Variants in FLOT2 observed in about 807,000 individuals in gnomAD.
FLOT2 encodes flotillin-2.
Under a neutral mutation model 54.9 loss-of-function variants are expected in FLOT2, and 35 were observed. The observed-to-expected ratio is 0.64, with a 90% confidence interval of 0.49 to 0.84. FLOT2 has a LOEUF of 0.84. FLOT2 is among the 40% of genes least tolerant of loss of function. FLOT2 has a pLI of 0.00. For synonymous variants in FLOT2, 207 were observed against 228.9 expected, an observed-to-expected ratio of 0.90 and a Z score of 0.86; for missense variants, 464 against 572.1, an observed-to-expected ratio of 0.81 and a Z score of 1.93.
At chr17:28,893,270 C>T (rs927099115) in intron 1 of FLOT2, 1 of 152,478 alleles carries the variant, frequency 6.6e-6, no homozygotes, top group African/African-American at 2.4e-5. Context: ...AACTTGCTTT[C>T]CCTTTCCACA....
Position 28,881,365 on chromosome 17 carries a change from C to A in FLOT2, c.925G>T (p.Val309Phe), listed in dbSNP as rs774269510. 2 of 1,611,402 alleles carry A rather than the reference C, an allele frequency of 1.2e-6. No homozygotes were observed. Among genetic ancestry groups the A allele is most frequent in the African/African-American group, 1.3e-5 (1 of 75,068 alleles). The change falls in exon 9 of 11, where the codon GTC becomes TTC. Residue 309 changes from valine (V) to phenylalanine (F), a missense_variant. Val to Phe is a conservative substitution (Grantham distance 50). Transcript: ENST00000394908. ...QIAEGEKVKQ[V>F]LLAQAEAEKI... ...TCAGCCTCTGCCTGTGCCAAGAGGACCTGCTTCACCCTGGGGGAGCCCAGG... is the reference window on the plus strand; with the variant it reads ...TCAGCCTCTGCCTGTGCCAAGAGGAACTGCTTCACCCTGGGGGAGCCCAGG...
At chr17:28,886,514 G>A (rs1489433290) in intron 2 of FLOT2, among the ~76,000 whole-genome samples, 1 of 152,254 alleles carries the variant, frequency 6.6e-6, no homozygotes, top group Admixed American at 6.5e-5. Flanking sequence ...CTGGGGGAGA[G>A]TGTGCTCCTG....
At position 28,883,045 on chromosome 17, in the gene FLOT2, C is replaced by T; in HGVS notation, c.346+63G>A. ...GAAACAGGCCCCCTGCCCAGCCCTG[C>T]ACACCTCCCTGCCTTGGCTTAGGGG... On this transcript the variant is annotated intron_variant, in intron 4 of 10. Transcript: ENST00000394908. The surrounding 1 kb of genome is among the most constrained non-coding windows in gnomAD (Gnocchi z 5.0). 6.3e-7 allele frequency: 1 copy of T among 1,583,320 alleles called. No homozygotes were observed.
intron 2 of FLOT2, among the ~76,000 whole-genome samples, 193 bp downstream of exon 2, chr17:28,888,752 C>T (rs2039592043): frequency 6.6e-6 from 1 of 152,164 alleles, no homozygotes. Flanking sequence ...TGATGCATGT[C>T]TCCTGCACCC....
intron 1 of FLOT2, among the ~76,000 whole-genome samples, 179 bp from the exon 2 acceptor site, chr17:28,889,205 T>C (rs2039602818): frequency 6.6e-6 from 1 of 152,156 alleles, no homozygotes; most frequent in Non-Finnish European, 1.5e-5. Context: ...CTTATGGGAG[T>C]TAAAGTCTAG....
intron 1 of FLOT2, among the ~76,000 whole-genome samples, chr17:28,890,356 A>G (rs2039625471): frequency 6.6e-6 from 1 of 151,898 alleles, no homozygotes; most frequent in African/African-American, 2.4e-5. Context: ...TATGTTCCCT[A>G]TACAGAAACG....
At chr17:28,896,797 G>A (rs2039748825) in intron 1 of FLOT2, among the ~76,000 whole-genome samples, 1 of 152,192 alleles carries the variant, frequency 6.6e-6, no homozygotes, top group African/African-American at 2.4e-5. Flanking sequence ...AGAGCAAGGA[G>A]CTGCACAACC....
rs574833836 is a variant in FLOT2 at position 28,891,186 on chromosome 17, T to G, written c.50-2160A>C. ...ATGAGCCGCCGCGCCTGGCCGAGCA[T>G]TATCATTTCCATGTTCACAAAGTTA... On this transcript the variant is annotated intron_variant, in intron 1 of 10. Transcript: ENST00000394908. 3.5e-4 allele frequency among the ~76,000 whole-genome samples: 53 copies of G among 152,340 alleles called. No homozygotes were observed. The South Asian group carries it at 0.011, about 32-fold the overall frequency.
chr17:28,879,758 G>A lies in FLOT2; in HGVS notation c.*803C>T, dbSNP rs2039416589. 1.0e-6 allele frequency: 1 copy of A among 986,000 alleles called. No homozygotes were observed. The highest frequency in any genetic ancestry group is 6.1e-5 in the Admixed American group (1 of 16,276). The allele number at this position is 986,000 out of a possible 1,614,324, so 61.1% of individuals were successfully genotyped here. ...CTACACACTTTTCTGTCCCCAACAG[G>A]GCTAGACCCTCATCTCAGAAAACTT... On this transcript the variant is annotated 3_prime_UTR_variant, in exon 11 of 11. Coordinates refer to ENST00000394908, the MANE Select transcript of FLOT2 (RefSeq NM_004475.3).
In FLOT2 at chr17:28,884,393, A is replaced by C; in HGVS notation, c.132-78T>G. ...GTGTTGGGAAAGAGGCCAGTACCTC[A>C]CTGCTCCGGCTGGGTCCTGGTGAGG... On this transcript the variant is annotated intron_variant, in intron 2 of 10. Transcript: ENST00000394908. This position sits in a 1 kb window ranked among gnomAD's most constrained non-coding sequence, Gnocchi z 5.1. 3 of 874,780 alleles carry C rather than the reference A, an allele frequency of 3.4e-6. No individual in the cohort carries two copies. The highest frequency in any genetic ancestry group is 5.5e-6 in the Non-Finnish European group (3 of 542,642). The allele number at this position is 874,780 out of a possible 1,614,324, so 54.2% of individuals were successfully genotyped here. A position where few individuals can be genotyped will look rare whatever the true frequency, so the allele number is the denominator to read the frequency against.
chr17:28,881,179 G>A lies in FLOT2; in HGVS notation c.1098+13C>T. On this transcript the variant is annotated intron_variant, in intron 9 of 10. Coordinates refer to ENST00000394908, the MANE Select transcript of FLOT2 (RefSeq NM_004475.3). ...CACTTGAACCCTAGGACCCGCTTGG[G>A]TGGAAGCCTCACCTGGGGCAGGGCC... 3.1e-6 allele frequency: 5 copies of A among 1,611,114 alleles called. No individual in the cohort carries two copies. Among genetic ancestry groups the A allele is most frequent in the Non-Finnish European group, 3.4e-6 (4 of 1,178,494 alleles).
At chr17:28,891,587 CTG>C (rs924695352) in intron 1 of FLOT2, among the ~76,000 whole-genome samples, 1 of 152,208 alleles carries the variant, frequency 6.6e-6, no homozygotes, top group African/African-American at 2.4e-5. Flanking sequence ...ATATCTTCTT[CTG>C]TGTTTATGCT....
At chr17:28,889,153 G>T in intron 1 of FLOT2, 127 bp from the exon 2 acceptor site, 1 of 728,496 alleles carries the variant, frequency 1.4e-6, no homozygotes, top group South Asian at 1.6e-5. Context: ...TGGGTGCCTA[G>T]TGCTGAGGTT....
chr17:28,894,443 G>A (rs985395880), intron 1 of FLOT2, among the ~76,000 whole-genome samples: 14 of 151,952 alleles, frequency 9.2e-5, no homozygotes, highest in Non-Finnish European at 2.1e-4. Context: ...GGCCAACATG[G>A]TGAAACCCTG....
At position 28,879,960 on chromosome 17, in the gene FLOT2, CTGGGGCCTTGGG is replaced by C; in HGVS notation, c.*589_*600del. 1 of 987,272 alleles carries C rather than the reference CTGGGGCCTTGGG, an allele frequency of 1.0e-6. No homozygotes were observed. The highest frequency in any genetic ancestry group is 1.2e-6 in the Non-Finnish European group (1 of 831,218). 61.2% of individuals were successfully genotyped at this position (987,272 alleles called of 1,614,324 possible). Reference sequence around the variant, plus strand: ...AGAAAGGACAGGGTATGAGCGCTGGCTGGGGCCTTGGGTGGATGAGGGGAAGGACAGTGTCTC... The same window carrying C: ...AGAAAGGACAGGGTATGAGCGCTGGCTGGATGAGGGGAAGGACAGTGTCTC... On this transcript the variant is annotated 3_prime_UTR_variant, in exon 11 of 11. Coordinates refer to ENST00000394908, the MANE Select transcript of FLOT2 (RefSeq NM_004475.3).
At position 28,897,505 on chromosome 17, in the gene FLOT2, C is replaced by A. The variant is rs1468629845; in HGVS notation, c.49+21G>T. On this transcript the variant is annotated intron_variant, in intron 1 of 10. Transcript: ENST00000394908. This position sits in a 1 kb window ranked among gnomAD's most constrained non-coding sequence, Gnocchi z 4.4. ...CCCCGAGCACCCTCCACAGCTCCCA[C>A]CTTCCTCGCCGCCCCCTCACCTGAA... 5 of 1,600,476 alleles carry A rather than the reference C, an allele frequency of 3.1e-6. No homozygotes were observed. Among genetic ancestry groups the A allele is most frequent in the Non-Finnish European group, 4.3e-6 (5 of 1,173,772 alleles).
At chr17:28,885,945 AG>A (rs2152647816) in intron 2 of FLOT2, 1 of 1,547,406 alleles carries the variant, frequency 6.5e-7, no homozygotes, top group African/African-American at 1.4e-5. Context: ...CTCCAGAGAC[AG>A]TCTGAGGAGC....
intron 2 of FLOT2, among the ~76,000 whole-genome samples, chr17:28,887,618 A>G (rs2152648453): frequency 6.6e-6 from 1 of 152,332 alleles, no homozygotes; most frequent in East Asian, 1.9e-4. Context: ...CTGCAGGGGA[A>G]TTGGCCTAGC....
At chr17:28,890,426 G>A (rs867006213) in intron 1 of FLOT2, among the ~76,000 whole-genome samples, 11 of 147,686 alleles carry the variant, frequency 7.4e-5, no homozygotes, top group Admixed American at 3.4e-4. Context: ...TCGCTCTGTC[G>A]CCCAGGCTGG....
Sources: allele counts gnomAD v4.1 joint callset (sites outside exome capture counted in the v4.1 genomes callset), GRCh38; gene constraint gnomAD v4.1.1; non-coding constraint Gnocchi (gnomAD v3.1); transcripts MANE v1.5; gene names NCBI Gene and HGNC (gene_info 2026-07-23, HGNC 2026-07-21).